Variants in LPIN2 observed in about 807,000 individuals in gnomAD.
The protein encoded by LPIN2 is lipin 2, also known as phosphatidate phosphatase LPIN2.
In LPIN2, 55 loss-of-function variants were observed where a neutral mutation model predicts 111.4. The ratio of observed to expected loss-of-function variants is 0.49; its 90% CI spans 0.40 to 0.62. The LOEUF (loss-of-function observed/expected upper bound fraction) is 0.62. LPIN2 is among the 20% of genes least tolerant of loss of function. The probability of loss-of-function intolerance (pLI) is 0.00; values close to 1 mark genes in which losing one functional copy is unlikely to be tolerated. For synonymous variants in LPIN2, 425 were observed against 414.0 expected (o/e 1.03, Z -0.32); for missense variants, 992 against 1,112.1 (o/e 0.89, Z 1.54).
Position 2,931,365 on chromosome 18 carries a change from G to T in LPIN2, c.1347C>A (p.Ser449Arg). ...ACTCGGTGCCGCTATCTGCAGCTGC[G>T]CTTCCCACGGACTGTGGGGACTGGG... ...SGSQSPQSVG[S>R]AAADSGTECL... Residue 449 changes from serine to arginine, a missense_variant, in exon 9 of 20, where the codon AGC becomes AGA. Physicochemically the swap from Ser to Arg is moderately radical, Grantham distance 110. This residue lies in a region of LPIN2 where 709 missense variants were observed against 753.2 expected (regional missense o/e 0.94). Coordinates refer to ENST00000677752, the MANE Select transcript of LPIN2 (RefSeq NM_001375808.2). 4 of 1,613,308 alleles carry T rather than the reference G, an allele frequency of 2.5e-6. No homozygotes were observed. Among genetic ancestry groups the T allele is most frequent in the Non-Finnish European group, 3.4e-6 (4 of 1,179,702 alleles).
rs1396526402 is a variant in LPIN2, at chr18:2,920,219, C to T, written c.*74G>A. The T allele has an allele frequency of 1.0e-5, 16 of 1,594,770 alleles. No individual in the cohort carries two copies. The highest frequency in any genetic ancestry group is 1.4e-5 in the Non-Finnish European group (16 of 1,164,454). Reference sequence around the variant, plus strand: ...GCTGGGGAAGGCTGGTATCTGAGGTCAGCAGAAGAGCCAGCTGCCTTCCCT... The same window carrying T: ...GCTGGGGAAGGCTGGTATCTGAGGTTAGCAGAAGAGCCAGCTGCCTTCCCT... On this transcript the variant is annotated 3_prime_UTR_variant, in exon 20 of 20. Coordinates refer to ENST00000677752, the MANE Select transcript of LPIN2 (RefSeq NM_001375808.2).
At chr18:2,936,850 A>G (rs1046665733) in intron 7 of LPIN2, among the ~76,000 whole-genome samples, 5 of 152,194 alleles carry the variant, frequency 3.3e-5, no homozygotes, top group Non-Finnish European at 7.3e-5. Context: ...AAGTACTGGG[A>G]TTACAGGTGT....
chr18:2,992,072 TCACTCCCAGGTACATACACAAAA>T (rs2078274421), intron 1 of LPIN2, among the ~76,000 whole-genome samples: 1 of 151,970 alleles, frequency 6.6e-6, no homozygotes, highest in Non-Finnish European at 1.5e-5. Flanking sequence ...TCCAGCAATT[TCACTCCCAGGTACATACACAAAA>T]GAACTGAAAA....
intron 8 of LPIN2, among the ~76,000 whole-genome samples, chr18:2,932,727 G>T (rs9966095): frequency 6.6e-6 from 1 of 152,216 alleles, no homozygotes; most frequent in Non-Finnish European, 1.5e-5. Flanking sequence ...CATACATGGT[G>T]CCCCTCCCCA....
At chr18:2,933,299 C>T (rs1021583992) in intron 8 of LPIN2, among the ~76,000 whole-genome samples, 1 of 152,142 alleles carries the variant, frequency 6.6e-6, no homozygotes, top group African/African-American at 2.4e-5. Context: ...ACTCTCCTCA[C>T]TTTTTAAAAG....
chr18:2,997,707 AAAG>A (rs2078367021), intron 1 of LPIN2, among the ~76,000 whole-genome samples: 2 of 152,220 alleles, frequency 1.3e-5, no homozygotes, highest in African/African-American at 4.8e-5. Flanking sequence ...TATAACTCAA[AAAG>A]AAACAAAAAG....
intron 1 of LPIN2, among the ~76,000 whole-genome samples, chr18:2,992,316 A>G (rs1275681886): frequency 1.3e-5 from 2 of 152,246 alleles, no homozygotes; most frequent in African/African-American, 4.8e-5. Context: ...GCCTGACACA[A>G]AAGGACAAAT....
intron 4 of LPIN2, among the ~76,000 whole-genome samples, chr18:2,944,187 T>G (rs1485153660): frequency 1.3e-5 from 2 of 151,476 alleles, no homozygotes; most frequent in African/African-American, 4.8e-5. Flanking sequence ...GCACAATATA[T>G]AATCAACACT....
At position 2,964,246 on chromosome 18, in the gene LPIN2, G is replaced by A. The variant is rs548369239; in HGVS notation, c.-9-3397C>T. On this transcript the variant is annotated intron_variant, in intron 1 of 19. Coordinates refer to ENST00000677752, the MANE Select transcript of LPIN2 (RefSeq NM_001375808.2). ...TGCAGTGAGCCGAGATCACACCACT[G>A]CACTCAAGCCTGGGTGACAGAGCAA... is the stretch of plus-strand genomic sequence containing the variant. 8.4e-5 allele frequency among the ~76,000 whole-genome samples: 10 copies of A among 118,960 alleles called. No homozygotes were observed. The South Asian group carries it at 2.7e-3, about 32-fold the overall frequency. 78.0% of individuals were successfully genotyped at this position (118,960 alleles called of 152,430 possible). A position where few individuals can be genotyped will look rare whatever the true frequency, so the allele number is the denominator to read the frequency against.
At chr18:2,958,312 G>A (rs190944832) in intron 2 of LPIN2, among the ~76,000 whole-genome samples, 7 of 152,008 alleles carry the variant, frequency 4.6e-5, no homozygotes, top group South Asian at 2.1e-4. Context: ...GAGTACTGCT[G>A]TTCTACCAAA....
chr18:3,006,856 C>T (rs1245905121), intron 1 of LPIN2, among the ~76,000 whole-genome samples: 1 of 151,364 alleles, frequency 6.6e-6, no homozygotes, highest in Non-Finnish European at 1.5e-5. Flanking sequence ...AAAAAGTAGC[C>T]AAGCATGGTG....
At position 2,951,374 on chromosome 18, in the gene LPIN2, A is replaced by G. The variant is rs764803488; in HGVS notation, c.289-18T>C. On this transcript the variant is annotated intron_variant, in intron 3 of 19. Coordinates refer to ENST00000677752, the MANE Select transcript of LPIN2 (RefSeq NM_001375808.2). ...AGCTTTTCCTTGAGGAGAATGGAGA[A>G]AGAAAAGTTATCCATGACAAACTCG... 5.0e-6 allele frequency: 8 copies of G among 1,608,312 alleles called. No homozygotes were observed. In the South Asian group the frequency reaches 8.8e-5, roughly 18 times the overall value.
At chr18:2,960,925 A>T in intron 1 of LPIN2, 76 bp from the exon 2 acceptor site, 2 of 1,202,882 alleles carry the variant, frequency 1.7e-6, no homozygotes, top group Non-Finnish European at 2.4e-6. Flanking sequence ...CAGTCGTAAC[A>T]AAAATGACAC....
Position 2,924,426 on chromosome 18 carries a change from T to C in LPIN2, c.2059A>G (p.Ile687Val), listed in dbSNP as rs2077101098. The C allele has an allele frequency of 6.2e-7, 1 of 1,614,050 alleles. No homozygotes were observed. The highest frequency in any genetic ancestry group is 1.7e-5 in the Admixed American group (1 of 60,002). Residue 687 changes from isoleucine (I) to valine (V), a missense_variant, in exon 15 of 20, where the codon ATT becomes GTT. This residue lies in a region of LPIN2 where 709 missense variants were observed against 753.2 expected (regional missense o/e 0.94). Coordinates refer to ENST00000677752, the MANE Select transcript of LPIN2 (RefSeq NM_001375808.2). ...YLWNWNDKII[I>V]SDIDGTITKS... The stretch of plus-strand genomic sequence containing the variant: ...GTTATTGTCCCATCAATATCAGAAA[T>C]GATGATCTTGTCATTCCAGTTCCAC...
At chr18:2,940,336 A>T (rs1177492043) in intron 5 of LPIN2, among the ~76,000 whole-genome samples, 1 of 152,256 alleles carries the variant, frequency 6.6e-6, no homozygotes, top group Non-Finnish European at 1.5e-5. Flanking sequence ...TCTACTAAAA[A>T]GAAAAAGAAA....
chr18:2,946,236 T>TATCGCCCCTA, intron 4 of LPIN2: 1 of 1,564,444 alleles, frequency 6.4e-7, no homozygotes, highest in Non-Finnish European at 8.8e-7. Flanking sequence ...GCGTCTACTG[T>TATCGCCCCTA]CTTAGGGGCT....
chr18:2,982,146 A>G (rs530692034), intron 1 of LPIN2, among the ~76,000 whole-genome samples: 1 of 152,296 alleles, frequency 6.6e-6, no homozygotes, highest in South Asian at 2.1e-4. Flanking sequence ...TTTTCCCCAC[A>G]TACTTCAAGC....
At chr18:2,962,005 T>A (rs1319063160) in intron 1 of LPIN2, among the ~76,000 whole-genome samples, 2 of 152,246 alleles carry the variant, frequency 1.3e-5, no homozygotes, top group Non-Finnish European at 2.9e-5. Context: ...TCAGAGATCA[T>A]GTTCTGTGTT....
Position 2,954,444 on chromosome 18 carries a change from G to C in LPIN2, c.288+60C>G, listed in dbSNP as rs955937353. On this transcript the variant is annotated intron_variant, in intron 3 of 19. Transcript: ENST00000677752. ...AAAAAACTGCTAAACGGTCCGTCTG[G>C]GCCACGTACCAGAGGCCTGAGCACA... 11 of 1,201,912 alleles carry C rather than the reference G, an allele frequency of 9.2e-6. No homozygotes were observed. The East Asian group carries it at 2.6e-4, about 28-fold the overall frequency. The allele number at this position is 1,201,912 out of a possible 1,614,324, so 74.5% of individuals were successfully genotyped here. A position where few individuals can be genotyped will look rare whatever the true frequency, so the allele number is the denominator to read the frequency against.
Sources: allele counts gnomAD v4.1 joint callset (sites outside exome capture counted in the v4.1 genomes callset), GRCh38; gene constraint gnomAD v4.1.1; regional missense constraint gnomAD v4.1.1; transcripts MANE v1.5; gene names NCBI Gene and HGNC (gene_info 2026-07-23, HGNC 2026-07-21).